Variants in UBA7 observed in about 807,000 individuals in gnomAD.
The protein encoded by UBA7 is ubiquitin-like modifier-activating enzyme 7.
In UBA7, 88 loss-of-function variants were observed where a neutral mutation model predicts 113.0. The ratio of observed to expected loss-of-function variants is 0.78; its 90% confidence interval spans 0.66 to 0.93. UBA7 has a LOEUF of 0.93. Ranked by LOEUF, UBA7 falls within the 40% of genes least tolerant of loss-of-function variation. The pLI is 0.00. For synonymous variants in UBA7, 459 were observed against 513.0 expected, an observed-to-expected ratio of 0.89 and a Z score of 1.42; for missense variants, 1,092 against 1,266.4, an observed-to-expected ratio of 0.86 and a Z score of 2.09.
Position 49,805,955 on chromosome 3 carries a change from C to T in UBA7, c.2851G>A (p.Ala951Thr), listed in dbSNP as rs769139588. The T allele has an allele frequency of 2.1e-5, 33 of 1,565,546 alleles. 1 individual carries two copies. In the South Asian group the frequency reaches 3.5e-4, roughly 17 times the overall value. Residue 951 changes from alanine (A) to threonine (T), a missense_variant, in exon 23 of 24, where the codon GCC becomes ACC. By Grantham distance (58) the Ala-to-Thr change is moderately conservative. Coordinates refer to ENST00000333486, the MANE Select transcript of UBA7 (RefSeq NM_003335.3). ...LRVRILLHGS[A>T]LLYAAGWSPE... is the part of the protein sequence containing the mutation. ...GACCATCCGGCCGCATAGAGCAGGG[C>T]TGAGCCGTGCAGCAGGATCCTCACC...
In UBA7 at chr3:49,809,062, A is replaced by C; in HGVS notation, c.2261T>G (p.Leu754Arg). The change falls in exon 18 of 24, where the codon CTG becomes CGG. Residue 754 changes from leucine (L) to arginine (R), a missense_variant. Leu to Arg is a moderately radical substitution (Grantham distance 102, BLOSUM62 -2). Coordinates refer to ENST00000333486, the MANE Select transcript of UBA7 (RefSeq NM_003335.3). ...SQDWTALREL[L>R]KLLPQPDPQQ... ...GGGGTCAGGCTGTGGCAGCAGCTTC[A>C]GCAGCTCCCTGAGTGCAGTCCAGTC... 2 of 1,613,784 alleles carry C rather than the reference A, an allele frequency of 1.2e-6. No individual in the cohort carries two copies. The highest frequency in any genetic ancestry group is 3.3e-5 in the Admixed American group (2 of 59,976).
In UBA7 at chr3:49,805,920, C is replaced by T. The variant is rs529264972; in HGVS notation, c.2886G>A (p.Lys962=). Residue 962 remains lysine, a synonymous_variant, in exon 23 of 24, where the codon AAG becomes AAA. Transcript: ENST00000333486. ...LLYAAGWSPE[K]QAQHLPLRVT... The stretch of plus-strand genomic sequence containing the variant: ...ACCTGAGGGGCAGGTGCTGGGCCTG[C>T]TTTTCAGGTGACCATCCGGCCGCAT... 6.4e-6 allele frequency: 10 copies of T among 1,556,858 alleles called. No homozygotes were observed. The highest frequency in any genetic ancestry group is 1.2e-5 in the South Asian group (1 of 84,398).
In UBA7 at chr3:49,808,014, G is replaced by A. The variant is rs1200108581; in HGVS notation, c.2523+6C>T. On this transcript the variant is annotated splice_donor_region_variant and intron_variant, in intron 20 of 23. Transcript: ENST00000333486. ...TCCAGGCCCAAGCCTCAAGGGGTGG[G>A]GTTACCTGGGCACGGTTGACCGGTG... 15 of 1,614,136 alleles carry A rather than the reference G, an allele frequency of 9.3e-6. No individual in the cohort carries two copies. In the South Asian group the frequency reaches 1.1e-4, roughly 12 times the overall value.
Position 49,813,942 on chromosome 3 carries a change from C to CCTGGCTCCT in UBA7, c.-156_-155insAGGAGCCAG, listed in dbSNP as rs56048115. 0.44 allele frequency: 342,183 copies of CCTGGCTCCT among 775,814 alleles called. 80,639 individuals are homozygous for CCTGGCTCCT. The highest frequency in any genetic ancestry group is 0.57 in the African/African-American group (31,998 of 56,552). 48.1% of individuals were successfully genotyped at this position (775,814 alleles called of 1,614,324 possible). A position where few individuals can be genotyped will look rare whatever the true frequency, so the allele number is the denominator to read the frequency against. On this transcript the variant is annotated 5_prime_UTR_variant, in exon 1 of 24. Coordinates refer to ENST00000333486, the MANE Select transcript of UBA7 (RefSeq NM_003335.3). ...GGACGCTGCTGGTCACAGCTCTCTT[C>CCTGGCTCCT]CTGGAGAAAAGAAAAGTGAAAGTTA...
At position 49,812,451 on chromosome 3, in the gene UBA7, C is replaced by G; in HGVS notation, c.651G>C (p.Met217Ile). 1 of 1,614,224 alleles carries G rather than the reference C, an allele frequency of 6.2e-7. No homozygotes were observed. Among genetic ancestry groups the G allele is most frequent in the Non-Finnish European group, 8.5e-7 (1 of 1,180,038 alleles). ...DLVTFSGIEG[M>I]VELNDCDPRS... is the part of the protein sequence containing the mutation. ...GGGGATCACAGTCGTTGAGCTCAAC[C>G]ATTCCCTCAATTCCCGAGAAAGTCA... The change falls in exon 6 of 24, where the codon ATG (methionine) becomes ATC (isoleucine). Residue 217 changes from methionine to isoleucine, a missense_variant. Met to Ile is a conservative substitution (Grantham distance 10, BLOSUM62 1). Coordinates refer to ENST00000333486, the MANE Select transcript of UBA7 (RefSeq NM_003335.3).
intron 19 of UBA7, 52 bp from the exon 20 acceptor site, chr3:49,808,164 G>A (rs1280168476): frequency 8.1e-6 from 13 of 1,600,554 alleles, no homozygotes; most frequent in African/African-American, 2.7e-5. Flanking sequence ...GCCCCTCACC[G>A]TGGCCCACTG....
Position 49,807,599 on chromosome 3 carries a change from A to C in UBA7, c.2715+137T>G. On this transcript the variant is annotated intron_variant, in intron 21 of 23. Coordinates refer to ENST00000333486, the MANE Select transcript of UBA7 (RefSeq NM_003335.3). The surrounding 1 kb of genome is among the most constrained non-coding windows in gnomAD (Gnocchi z 4.0). Reference sequence around the variant, plus strand: ...CCCAGCCTGGCTTCATAGCAGGAAGAGGGCTGGAGGGAGTCTTCAGGACTT... The same window carrying C: ...CCCAGCCTGGCTTCATAGCAGGAAGCGGGCTGGAGGGAGTCTTCAGGACTT... The C allele has an allele frequency of 8.9e-7, 1 of 1,125,240 alleles. No individual in the cohort carries two copies. The highest frequency in any genetic ancestry group is 1.8e-5 in the South Asian group (1 of 56,338). The allele number at this position is 1,125,240 out of a possible 1,614,324, so 69.7% of individuals were successfully genotyped here. A position where few individuals can be genotyped will look rare whatever the true frequency, so the allele number is the denominator to read the frequency against.
intron 18 of UBA7, 139 bp from the exon 19 acceptor site, chr3:49,808,607 T>G: frequency 1.1e-6 from 1 of 910,120 alleles, no homozygotes; most frequent in Non-Finnish European, 1.6e-6. Context: ...CCTTAATTAA[T>G]GCTACAATCT....
chr3:49,808,656 T>C (rs953192011), intron 18 of UBA7, among the ~76,000 whole-genome samples, 188 bp from the exon 19 acceptor site: 5 of 152,238 alleles, frequency 3.3e-5, no homozygotes, highest in Non-Finnish European at 7.3e-5. Context: ...TGTGTGCTCA[T>C]GACCTCTGTG....
chr3:49,810,524 T>C lies in UBA7; in HGVS notation c.1460A>G (p.Asp487Gly), dbSNP rs1230470660. Residue 487 changes from aspartate to glycine, a missense_variant, in exon 12 of 24, where the codon GAC becomes GGC. Transcript: ENST00000333486. The surrounding 1 kb of genome is among the most constrained non-coding windows in gnomAD (Gnocchi z 5.6). ...LSRQFLFRSQ[D>G]VGRPKAEVAA... ...AGAGGGGTCAGCACTCACACCAACG[T>C]CCTGGGACCTGAAGAGGAACTGACG... 5.0e-6 allele frequency: 8 copies of C among 1,614,054 alleles called. No homozygotes were observed. The highest frequency in any genetic ancestry group is 6.8e-6 in the Non-Finnish European group (8 of 1,179,986).
intron 21 of UBA7, 22 bp from the exon 22 acceptor site, chr3:49,806,187 G>C: frequency 6.4e-7 from 1 of 1,566,104 alleles, no homozygotes; most frequent in Non-Finnish European, 8.7e-7. Context: ...TAGAGGAGGA[G>C]TCAGAGACTT....
In UBA7 at chr3:49,813,114, A is replaced by G; in HGVS notation, c.415T>C (p.Cys139Arg). The G allele has an allele frequency of 6.2e-7, 1 of 1,614,132 alleles. No individual in the cohort carries two copies. Among genetic ancestry groups the G allele is most frequent in the East Asian group, 2.2e-5 (1 of 44,874 alleles). ...LEEQLKVGTLCHKHGVCFLAA... is the reference protein window; with the variant it reads ...LEEQLKVGTLRHKHGVCFLAA... ...AGAAAGCAAACTCCATGCTTATGAC[A>G]CAAGGTGCCCACCTTCAGCTGCTCC... Residue 139 changes from cysteine (C) to arginine (R), a missense_variant, in exon 4 of 24, where the codon TGT becomes CGT. Physicochemically the swap from Cys to Arg is radical, Grantham distance 180. Transcript: ENST00000333486.
intron 8 of UBA7, chr3:49,811,668 C>G (rs2081549961): frequency 1.3e-5 from 15 of 1,119,516 alleles, no homozygotes; most frequent in Non-Finnish European, 1.9e-5. Flanking sequence ...CTGAGTGCAG[C>G]TTCCAGCACA....
Position 49,810,388 on chromosome 3 carries a change from A to G in UBA7, c.1508T>C (p.Leu503Pro), listed in dbSNP as rs759399080. ...CGGGATCACCTGTAAGTCTGGGTTCAGGCCCCGGGCAGCTGCTGCAGCCAC... is the reference window on the plus strand; with the variant it reads ...CGGGATCACCTGTAAGTCTGGGTTCGGGCCCCGGGCAGCTGCTGCAGCCAC... ...AEVAAAAARGLNPDLQVIPLT... is the reference protein window; with the variant it reads ...AEVAAAAARGPNPDLQVIPLT... Residue 503 changes from leucine to proline, a missense_variant, in exon 13 of 24, where the codon CTG (leucine) becomes CCG (proline). By Grantham distance (98) the Leu-to-Pro change is moderately conservative. Coordinates refer to ENST00000333486, the MANE Select transcript of UBA7 (RefSeq NM_003335.3). The surrounding 1 kb of genome is among the most constrained non-coding windows in gnomAD (Gnocchi z 5.6). 6.2e-7 allele frequency: 1 copy of G among 1,614,016 alleles called. No homozygotes were observed. The highest frequency in any genetic ancestry group is 8.5e-7 in the Non-Finnish European group (1 of 1,180,024).
At chr3:49,812,334 C>A in intron 6 of UBA7, 74 bp downstream of exon 6, 1 of 1,610,796 alleles carries the variant, frequency 6.2e-7, no homozygotes, top group Non-Finnish European at 8.5e-7. Flanking sequence ...AAAACCCATC[C>A]CAAGGGCCAG....
rs760304837 is a variant in UBA7, at chr3:49,812,176, G to C, written c.725C>G (p.Thr242Arg). The change falls in exon 7 of 24, where the codon ACA (threonine) becomes AGA (arginine). Residue 242 changes from threonine to arginine, a missense_variant. Coordinates refer to ENST00000333486, the MANE Select transcript of UBA7 (RefSeq NM_003335.3). ...ACCACGCAAGTACCGAGAGAAAGTT[G>C]TTGTGTCTCCAATCTCCAGGGACCC... ...EDGSLEIGDT[T>R]TFSRYLRGGA... 6.2e-7 allele frequency: 1 copy of C among 1,614,092 alleles called. No individual in the cohort carries two copies. Among genetic ancestry groups the C allele is most frequent in the African/African-American group, 1.3e-5 (1 of 74,928 alleles).
At chr3:49,806,493 G>C (rs968391032) in intron 21 of UBA7, among the ~76,000 whole-genome samples, 64 of 152,260 alleles carry the variant, frequency 4.2e-4, no homozygotes, top group African/African-American at 1.5e-3. Context: ...AAAGCTGCTT[G>C]TTCCTCAAAG....
intron 19 of UBA7, 116 bp from the exon 20 acceptor site, chr3:49,808,228 C>T: frequency 6.6e-7 from 1 of 1,519,640 alleles, no homozygotes; most frequent in Non-Finnish European, 9.1e-7. Flanking sequence ...CCCCACATCT[C>T]CTCTTGATCA....
rs2081544225 is a variant in UBA7 at position 49,811,398 on chromosome 3, C to A, written c.997G>T (p.Glu333Ter). 1.9e-6 allele frequency: 3 copies of A among 1,611,596 alleles called. No homozygotes were observed. The African/African-American group carries it at 4.0e-5, about 22-fold the overall frequency. Residue 333 changes from glutamate (E) to a stop codon, truncating the protein, a stop_gained, in exon 9 of 24, where the codon GAG becomes TAG. Coordinates refer to ENST00000333486, the MANE Select transcript of UBA7 (RefSeq NM_003335.3). LOFTEE classifies it high-confidence loss of function. ...AGTGGCTCTTCCAGTGGCTCTTCCTCTGTCCGCTTCAGTGGTTCCAGGTCC... is the reference window on the plus strand; with the variant it reads ...AGTGGCTCTTCCAGTGGCTCTTCCTATGTCCGCTTCAGTGGTTCCAGGTCC... ...ARDLEPLKRT[E>*]EEPLEEPLDE...
Sources: allele counts gnomAD v4.1 joint callset (sites outside exome capture counted in the v4.1 genomes callset), GRCh38; gene constraint gnomAD v4.1.1; non-coding constraint Gnocchi (gnomAD v3.1); transcripts MANE v1.5; gene names NCBI Gene and HGNC (gene_info 2026-07-23, HGNC 2026-07-21).